The following CAPN3 variants were observed in gnomAD, a reference collection of about 807,000 sequenced individuals.
CAPN3 encodes the protein calpain-3.
A neutral mutation model predicts 114.0 loss-of-function variants in CAPN3; 88 were observed. The ratio of observed to expected loss-of-function variants is 0.77; its 90% CI spans 0.65 to 0.92. The LOEUF is 0.92. Among genes scored for constraint, CAPN3 ranks in the 40% least tolerant of loss-of-function variants. The pLI is 0.00. For synonymous variants in CAPN3, 386 were observed against 382.9 expected (o/e 1.01, Z -0.09); for missense variants, 1,028 against 1,069.0 (o/e 0.96, Z 0.53).
chr15:42,401,898 C>T, intron 11 of CAPN3, 88 bp downstream of exon 11: 1 of 1,453,034 alleles, frequency 6.9e-7, no homozygotes, highest in Non-Finnish European at 9.5e-7. Flanking sequence ...CCTCTGGCTT[C>T]CTCAATACCC....
chr15:42,403,680 C>G, intron 13 of CAPN3, 61 bp from the exon 14 acceptor site: 1 of 1,498,534 alleles, frequency 6.7e-7, no homozygotes, highest in South Asian at 1.1e-5. Context: ...AGCAAACCGT[C>G]CACGGGCCTC....
At chr15:42,368,933 T>C (rs2052859545) in intron 1 of CAPN3, among the ~76,000 whole-genome samples, 1 of 152,140 alleles carries the variant, frequency 6.6e-6, no homozygotes, top group South Asian at 2.1e-4. Context: ...GTGCCTATAG[T>C]CCTAGCTGTA....
At chr15:42,378,497 C>A (rs2053151140) in intron 1 of CAPN3, among the ~76,000 whole-genome samples, 1 of 149,470 alleles carries the variant, frequency 6.7e-6, no homozygotes, top group African/African-American at 2.5e-5. Context: ...AAAGTGATAA[C>A]CTCTCCTTCA....
At chr15:42,400,453 C>A (rs1464936434) in intron 10 of CAPN3, among the ~76,000 whole-genome samples, 1 of 152,024 alleles carries the variant, frequency 6.6e-6, no homozygotes, top group African/African-American at 2.4e-5. Flanking sequence ...ACAAGAAGAT[C>A]GGGTGGGTGG....
intron 15 of CAPN3, among the ~76,000 whole-genome samples, chr15:42,407,454 A>G (rs1450744324): frequency 6.6e-6 from 1 of 152,058 alleles, no homozygotes; most frequent in East Asian, 1.9e-4. Context: ...TCAGCCTCCC[A>G]AGTAGCTGGG....
chr15:42,367,781 T>TA (rs2052826226), intron 1 of CAPN3, among the ~76,000 whole-genome samples: 2 of 152,324 alleles, frequency 1.3e-5, no homozygotes, highest in East Asian at 3.9e-4. Flanking sequence ...GACAGTGAAA[T>TA]AGAGTCAGCT....
At chr15:42,404,562 C>T (rs2053966879) in intron 14 of CAPN3, among the ~76,000 whole-genome samples, 1 of 152,228 alleles carries the variant, frequency 6.6e-6, no homozygotes, top group Admixed American at 6.5e-5. Flanking sequence ...GGTTTTTCCG[C>T]ACCTCCACGC....
chr15:42,393,727 G>T (rs1407030153), intron 7 of CAPN3, among the ~76,000 whole-genome samples: 2 of 151,874 alleles, frequency 1.3e-5, no homozygotes, highest in African/African-American at 4.8e-5. Flanking sequence ...CTGAGTAGCT[G>T]GGATTACAGG....
chr15:42,369,425 T>C (rs181195318), intron 1 of CAPN3, among the ~76,000 whole-genome samples: 11 of 151,842 alleles, frequency 7.2e-5, no homozygotes, highest in Non-Finnish European at 1.3e-4. Flanking sequence ...TCACTTGAGC[T>C]ACGGAGGTTG....
intron 1 of CAPN3, among the ~76,000 whole-genome samples, chr15:42,369,780 A>G (rs1367370911): frequency 6.6e-6 from 1 of 152,010 alleles, no homozygotes; most frequent in East Asian, 1.9e-4. Flanking sequence ...TCTGAAAGGG[A>G]GGGAAAGAAA....
intron 1 of CAPN3, among the ~76,000 whole-genome samples, chr15:42,363,547 CT>C (rs1300591873): frequency 2.6e-5 from 4 of 152,178 alleles, no homozygotes; most frequent in African/African-American, 7.2e-5. Flanking sequence ...TGGCTTCTGT[CT>C]TTCTCTGGGA....
Position 42,408,275 on chromosome 15 carries a change from A to G in CAPN3, c.1865A>G (p.Glu622Gly). The G allele has an allele frequency of 6.2e-7, 1 of 1,613,888 alleles. No homozygotes were observed. The highest frequency in any genetic ancestry group is 8.5e-7 in the Non-Finnish European group (1 of 1,179,850). Residue 622 changes from glutamate to glycine, a missense_variant, in exon 16 of 24, where the codon GAG (glutamate) becomes GGG (glycine). Physicochemically the swap from Glu to Gly is moderately conservative, Grantham distance 98 (BLOSUM62 -2). Coordinates refer to ENST00000397163, the MANE Select transcript of CAPN3 (RefSeq NM_000070.3). ...GAGCTGGGTGTGGACCAGGAGTCAG[A>G]GGAGGGCAAAGGCAAAACAAGCCCT... is the stretch of plus-strand genomic sequence containing the variant. ...NKELGVDQES[E>G]EGKGKTSPDK... is the part of the protein sequence containing the mutation.
intron 1 of CAPN3, among the ~76,000 whole-genome samples, chr15:42,383,314 C>A (rs1415999870): frequency 6.6e-6 from 1 of 152,054 alleles, no homozygotes; most frequent in African/African-American, 2.4e-5. Context: ...ACTAGCCTGG[C>A]GCGGTGGCTC....
intron 1 of CAPN3, among the ~76,000 whole-genome samples, chr15:42,381,831 C>T (rs992754882): frequency 6.6e-6 from 1 of 152,142 alleles, no homozygotes; most frequent in African/African-American, 2.4e-5. Flanking sequence ...AGTCATTGCA[C>T]CCGGCCATCA....
intron 1 of CAPN3, among the ~76,000 whole-genome samples, chr15:42,380,271 C>T (rs1030952436): frequency 1.3e-5 from 2 of 151,174 alleles, no homozygotes; most frequent in Admixed American, 1.3e-4. Flanking sequence ...CCATTTATTG[C>T]ATTTGTTCTT....
At chr15:42,395,669 G>T (rs1229180783) in intron 8 of CAPN3, among the ~76,000 whole-genome samples, 1 of 152,186 alleles carries the variant, frequency 6.6e-6, no homozygotes, top group Non-Finnish European at 1.5e-5. Context: ...AGAGCTTGGT[G>T]TGCAGCCCTG....
chr15:42,386,906 G>A (rs528686739), intron 3 of CAPN3, among the ~76,000 whole-genome samples: 5 of 152,188 alleles, frequency 3.3e-5, no homozygotes, highest in Admixed American at 2.0e-4. Flanking sequence ...CGTAGCTTCC[G>A]GGATGCTGGG....
intron 16 of CAPN3, 78 bp from the exon 17 acceptor site, chr15:42,409,225 C>A: frequency 7.0e-7 from 1 of 1,434,652 alleles, no homozygotes; most frequent in East Asian, 2.3e-5. Flanking sequence ...ACTTGGCTCC[C>A]TTGGCCCAGA....
intron 2 of CAPN3, 36 bp from the exon 3 acceptor site, chr15:42,386,131 G>T (rs200996550): frequency 7.0e-7 from 1 of 1,422,634 alleles, no homozygotes; most frequent in East Asian, 2.3e-5. Context: ...GGAGGAGCAG[G>T]AGTGCTCACG....
Sources: gnomAD v4.1 joint callset for allele counts (sites outside exome capture counted in the v4.1 genomes callset) on GRCh38, gnomAD v4.1.1 for gene constraint, MANE v1.5 for transcripts, NCBI Gene and HGNC (gene_info 2026-07-23, HGNC 2026-07-21) for gene names.